EPHA7: variants seen among roughly 807,000 people sequenced by gnomAD.
The protein encoded by EPHA7 is EPH receptor A7, also known as ephrin type-A receptor 7.
EPHA7 carries 25 observed loss-of-function variants against 112.6 expected under a neutral mutation model. That is an observed-to-expected ratio of 0.22 (90% CI 0.16 to 0.31). The LOEUF (loss-of-function observed/expected upper bound fraction) is 0.31. Among genes scored for constraint, EPHA7 ranks in the 10% least tolerant of loss-of-function variants. The pLI, the probability that EPHA7 is intolerant of heterozygous loss-of-function variation, is 1.00. For missense variants in EPHA7, 962 were observed against 1,212.6 expected, an observed-to-expected ratio of 0.79 and a Z score of 3.07; for synonymous variants, 437 against 406.5, an observed-to-expected ratio of 1.07 and a Z score of -0.90.
In EPHA7 at chr6:93,385,627, T is replaced by C. The variant is rs996209889; in HGVS notation, c.832+24874A>G. Reference sequence around the variant, plus strand: ...AAGAATGAGACAATGATGGGTAATTTTGTCTTGTTCTACTCCCATGAGGCT... The same window carrying C: ...AAGAATGAGACAATGATGGGTAATTCTGTCTTGTTCTACTCCCATGAGGCT... On this transcript the variant is annotated intron_variant, in intron 3 of 16. Transcript: ENST00000369303. Among the ~76,000 whole-genome samples the C allele has an allele frequency of 7.9e-5, 12 of 152,204 alleles. 1 individual carries two copies. The highest frequency in any genetic ancestry group is 2.4e-4 in the African/African-American group (10 of 41,576).
At chr6:93,405,953 T>G (rs948375463) in intron 3 of EPHA7, among the ~76,000 whole-genome samples, 1 of 149,414 alleles carries the variant, frequency 6.7e-6, no homozygotes, top group African/African-American at 2.4e-5. Context: ...TTCAAAAACT[T>G]TGATCAAGAA....
At chr6:93,297,390 T>G (rs1772726456) in intron 5 of EPHA7, among the ~76,000 whole-genome samples, 1 of 152,148 alleles carries the variant, frequency 6.6e-6, no homozygotes, top group South Asian at 2.1e-4. Flanking sequence ...ATATTGTGTT[T>G]GGATCTCAAG....
At chr6:93,346,932 T>G (rs1378102347) in intron 5 of EPHA7, among the ~76,000 whole-genome samples, 1 of 151,836 alleles carries the variant, frequency 6.6e-6, no homozygotes. Flanking sequence ...TTACTTACAA[T>G]GTCTACTACA....
intron 5 of EPHA7, among the ~76,000 whole-genome samples, chr6:93,344,995 C>T (rs1775326825): frequency 6.6e-6 from 1 of 151,598 alleles, no homozygotes; most frequent in Non-Finnish European, 1.5e-5. Flanking sequence ...AGCCCTACCA[C>T]CATTCGAATG....
chr6:93,275,555 C>T (rs1315386138), intron 5 of EPHA7, among the ~76,000 whole-genome samples: 1 of 151,876 alleles, frequency 6.6e-6, no homozygotes, highest in African/African-American at 2.4e-5. Context: ...CAGACTAAGC[C>T]ATGAAGCAAA....
At chr6:93,283,002 C>T (rs574210180) in intron 5 of EPHA7, among the ~76,000 whole-genome samples, 6 of 152,316 alleles carry the variant, frequency 3.9e-5, no homozygotes, top group African/African-American at 7.2e-5. Flanking sequence ...GAGCAGGGCG[C>T]GGGACTGGCA....
intron 3 of EPHA7, among the ~76,000 whole-genome samples, chr6:93,396,840 A>T (rs1220316861): frequency 6.6e-6 from 1 of 151,814 alleles, no homozygotes; most frequent in Non-Finnish European, 1.5e-5. Context: ...TGGGGAAATT[A>T]AAAATAAATT....
chr6:93,264,035 G>T, intron 8 of EPHA7, 120 bp from the exon 9 acceptor site: 1 of 603,038 alleles, frequency 1.7e-6, no homozygotes, highest in South Asian at 3.1e-5. Flanking sequence ...TCATAGTTAT[G>T]AATCCATTTA....
At chr6:93,326,734 C>CTT (rs10643031) in intron 5 of EPHA7, among the ~76,000 whole-genome samples, 66,688 of 151,092 alleles carry the variant, frequency 0.44, 16,113 homozygotes, top group African/African-American at 0.66. Context: ...GGAATCTTGT[C>CTT]TATTTCATAC....
intron 12 of EPHA7, among the ~76,000 whole-genome samples, chr6:93,256,612 T>A (rs1258905456): frequency 1.3e-5 from 2 of 152,116 alleles, no homozygotes; most frequent in Admixed American, 1.3e-4. Context: ...AGGACAGATG[T>A]ACTAGCAAAT....
intron 9 of EPHA7, chr6:93,260,418 A>C: frequency 1.9e-6 from 1 of 537,156 alleles, no homozygotes; most frequent in Non-Finnish European, 2.4e-6. Flanking sequence ...GGTAAAAGAC[A>C]AAGATAAGAT....
intron 3 of EPHA7, among the ~76,000 whole-genome samples, chr6:93,371,952 CAT>C (rs1776821226): frequency 6.6e-6 from 1 of 152,144 alleles, no homozygotes; most frequent in South Asian, 2.1e-4. Flanking sequence ...ATTGTGAAGA[CAT>C]ACTGTCACAG....
intron 5 of EPHA7, among the ~76,000 whole-genome samples, chr6:93,316,170 A>G (rs1016332081): frequency 2.6e-5 from 4 of 152,196 alleles, no homozygotes; most frequent in Non-Finnish European, 4.4e-5. Context: ...AAATGAGCCT[A>G]CTTTACTCCC....
intron 3 of EPHA7, among the ~76,000 whole-genome samples, chr6:93,376,620 T>C (rs1222607896): frequency 1.3e-5 from 2 of 152,140 alleles, no homozygotes; most frequent in Non-Finnish European, 2.9e-5. Flanking sequence ...TAAAATAACA[T>C]TTAATGTCTT....
intron 15 of EPHA7, 105 bp downstream of exon 15, chr6:93,246,687 G>T: frequency 1.0e-6 from 1 of 960,994 alleles, no homozygotes; most frequent in Non-Finnish European, 1.6e-6. Context: ...GAGTTTATAC[G>T]TCAACACAAA....
At chr6:93,337,728 G>A (rs1468931096) in intron 5 of EPHA7, among the ~76,000 whole-genome samples, 4 of 152,114 alleles carry the variant, frequency 2.6e-5, no homozygotes, top group African/African-American at 9.7e-5. Flanking sequence ...GAGCTCTCAA[G>A]TTAGATATAC....
intron 5 of EPHA7, among the ~76,000 whole-genome samples, chr6:93,296,089 ATT>A (rs1772648003): frequency 1.9e-4 from 29 of 151,706 alleles, no homozygotes; most frequent in Admixed American, 1.9e-3. Context: ...TCTTAATGCC[ATT>A]TGAAAATGTT....
rs1307419633 is a variant in EPHA7 at position 93,257,508 on chromosome 6, A to G, written c.2126T>C (p.Ile709Thr). The change falls in exon 12 of 17, where the codon ATA becomes ACA. Residue 709 changes from isoleucine (I) to threonine (T), a missense_variant. Around this residue, in one of 3 missense-constraint regions of EPHA7, gnomAD observed 746 missense variants for 889.2 expected, o/e 0.84. Transcript: ENST00000369303. The part of the protein sequence containing the change: ...GVVTRGKPVM[I>T]VIEFMENGAL... ...TCCATTTTCCATGAACTCTATTACTATCATGACTGGTTTCCCTAAAATTAA... is the reference window on the plus strand; with the variant it reads ...TCCATTTTCCATGAACTCTATTACTGTCATGACTGGTTTCCCTAAAATTAA... 6.2e-7 allele frequency: 1 copy of G among 1,610,664 alleles called. No homozygotes were observed. Among genetic ancestry groups the G allele is most frequent in the Non-Finnish European group, 8.5e-7 (1 of 1,178,288 alleles).
At position 93,258,169 on chromosome 6, in the gene EPHA7, C is replaced by T. The variant is rs367897790; in HGVS notation, c.2040G>A (p.Leu680=). The T allele has an allele frequency of 8.1e-6, 13 of 1,613,470 alleles. No homozygotes were observed. Among genetic ancestry groups the T allele is most frequent in the African/African-American group, 5.3e-5 (4 of 75,000 alleles). ...GYTEKQRRDF[L]CEASIMGQFD... ...ACTGCCCCATGATGCTTGCTTCACA[C>T]AAAAAGTCTCTCCTTTGTTTTTCTG... Residue 680 remains leucine (L), a synonymous_variant, in exon 11 of 17, where the codon TTG becomes TTA. Coordinates refer to ENST00000369303, the MANE Select transcript of EPHA7 (RefSeq NM_004440.4).
Sources: gnomAD v4.1 joint callset for allele counts (sites outside exome capture counted in the v4.1 genomes callset) on GRCh38, gnomAD v4.1.1 for gene constraint, gnomAD v4.1.1 regional missense constraint, MANE v1.5 for transcripts, NCBI Gene and HGNC (gene_info 2026-07-23, HGNC 2026-07-21) for gene names.